CELSR1: variants seen among roughly 807,000 people sequenced by gnomAD.
CELSR1 encodes cadherin EGF LAG seven-pass G-type receptor 1.
CELSR1 carries 110 observed loss-of-function variants against 249.1 expected under a neutral mutation model. The ratio of observed to expected loss-of-function variants is 0.44; its 90% CI spans 0.38 to 0.52. CELSR1 has a LOEUF of 0.52. Ranked by LOEUF, CELSR1 falls within the 20% of genes least tolerant of loss-of-function variation. CELSR1 has a pLI of 0.00. For missense variants in CELSR1, 4,109 were observed against 4,296.4 expected (o/e 0.96, Z 1.22); for synonymous variants, 2,113 against 1,900.0 (o/e 1.11, Z -2.92).
rs549041557 is a variant in CELSR1 at position 46,413,772 on chromosome 22, C to T, written c.4612-2013G>A. Among the ~76,000 whole-genome samples, 32 of 152,206 alleles carry T rather than the reference C, an allele frequency of 2.1e-4. No individual in the cohort carries two copies. The highest frequency in any genetic ancestry group is 3.8e-4 in the Non-Finnish European group (26 of 68,040). ...TCATCTGTTTTCTCGCTGTGTAACGCGGCCCACTTTGGAAAACGCGTGGAA... is the reference window on the plus strand; with the variant it reads ...TCATCTGTTTTCTCGCTGTGTAACGTGGCCCACTTTGGAAAACGCGTGGAA... On this transcript the variant is annotated intron_variant, in intron 5 of 34. Transcript: ENST00000674500. The surrounding 1 kb of genome is among the most constrained non-coding windows in gnomAD (Gnocchi z 4.7).
Position 46,429,595 on chromosome 22 carries a change from A to G in CELSR1, c.4611+3798T>C, listed in dbSNP as rs141496839. 3.1e-4 allele frequency among the ~76,000 whole-genome samples: 48 copies of G among 152,390 alleles called. No homozygotes were observed. The highest frequency in any genetic ancestry group is 1.1e-3 in the African/African-American group (44 of 41,600). On this transcript the variant is annotated intron_variant, in intron 5 of 34. Coordinates refer to ENST00000674500, the MANE Select transcript of CELSR1 (RefSeq NM_001378328.1). This position sits in a 1 kb window ranked among gnomAD's most constrained non-coding sequence, Gnocchi z 4.1. ...AATAAACCTTCTCGTCTAAAATGTC[A>G]TCAGGCAGAAAGGAAAAATAAACAG...
chr22:46,435,419 T>C (rs958799041), intron 4 of CELSR1, among the ~76,000 whole-genome samples: 3 of 151,360 alleles, frequency 2.0e-5, no homozygotes, highest in Non-Finnish European at 1.5e-5. Flanking sequence ...GTGGCTGGGA[T>C]TACAGGCAAG....
chr22:46,515,315 A>G (rs1187729809), intron 1 of CELSR1, among the ~76,000 whole-genome samples: 1 of 152,184 alleles, frequency 6.6e-6, no homozygotes, highest in Non-Finnish European at 1.5e-5. Context: ...AGCTGGAACC[A>G]CAGCCCAGCG....
rs766986249 is a variant in CELSR1, at chr22:46,411,716, T to G, written c.4655A>C (p.Glu1552Ala). The G allele has an allele frequency of 6.2e-7, 1 of 1,614,174 alleles. No homozygotes were observed. The highest frequency in any genetic ancestry group is 1.7e-5 in the Admixed American group (1 of 60,034). Residue 1552 changes from glutamate to alanine, a missense_variant, in exon 6 of 35, where the codon GAA becomes GCA. Around this residue, in one of 7 missense-constraint regions of CELSR1, gnomAD observed 453 missense variants for 492.0 expected, o/e 0.92. Coordinates refer to ENST00000674500, the MANE Select transcript of CELSR1 (RefSeq NM_001378328.1). The surrounding 1 kb of genome is among the most constrained non-coding windows in gnomAD (Gnocchi z 4.2). ...ATCCACTGTCACCACGGCCATCTTT[T>G]CCCCGGACGGCCCATGGGGCAGGCC... Reference protein sequence around the residue: ...HLGLPHGPSGEKMAVVTVDDC... With the variant: ...HLGLPHGPSGAKMAVVTVDDC...
In CELSR1 at chr22:46,401,846, G is replaced by C. The variant is rs1456588038; in HGVS notation, c.5227-1944C>G. ...GACTGCATTAAACTCTGTGACTTTG[G>C]GAGACCAAGGCGGGTGGATCACCTG... On this transcript the variant is annotated intron_variant, in intron 9 of 34. Transcript: ENST00000674500. The surrounding 1 kb of genome is among the most constrained non-coding windows in gnomAD (Gnocchi z 4.7). Among the ~76,000 whole-genome samples the C allele has an allele frequency of 6.6e-6, 1 of 152,130 alleles. No homozygotes were observed. The highest frequency in any genetic ancestry group is 1.5e-5 in the Non-Finnish European group (1 of 68,040).
In CELSR1 at chr22:46,535,056, G is replaced by C. The variant is rs201570836; in HGVS notation, c.2115C>G (p.Ser705Arg). The change falls in exon 1 of 35, where the codon AGC becomes AGG. Residue 705 changes from serine (S) to arginine (R), a missense_variant. By Grantham distance (110) the Ser-to-Arg change is moderately radical. Coordinates refer to ENST00000674500, the MANE Select transcript of CELSR1 (RefSeq NM_001378328.1). The part of the protein sequence containing the change: ...RLNEDAAVGS[S>R]VLTLQARDRD... Reference sequence around the variant, plus strand: ...GGTCGCGGGCCTGCAGGGTCAGCACGCTGCTCCCCACGGCCGCATCCTCAT... The same window carrying C: ...GGTCGCGGGCCTGCAGGGTCAGCACCCTGCTCCCCACGGCCGCATCCTCAT... The C allele has an allele frequency of 6.2e-7, 1 of 1,612,504 alleles. No homozygotes were observed.
At chr22:46,373,885 G>C (rs966832819) in intron 24 of CELSR1, among the ~76,000 whole-genome samples, 20 of 152,288 alleles carry the variant, frequency 1.3e-4, no homozygotes, top group African/African-American at 4.6e-4. Context: ...CAGAAGCGTA[G>C]GAGGAGAACG....
chr22:46,415,153 G>T (rs772089663), intron 5 of CELSR1, among the ~76,000 whole-genome samples: 9 of 152,156 alleles, frequency 5.9e-5, no homozygotes, highest in Non-Finnish European at 1.3e-4. Flanking sequence ...ATGGGGTGAT[G>T]AAAATACTTC....
At chr22:46,453,691 G>A (rs546442083) in intron 2 of CELSR1, among the ~76,000 whole-genome samples, 2 of 152,300 alleles carry the variant, frequency 1.3e-5, no homozygotes, top group South Asian at 2.1e-4. Context: ...CCCCGAGGTC[G>A]TCTGGGTCAC....
chr22:46,536,994 C>A lies in CELSR1; in HGVS notation c.177G>T (p.Arg59=). 8.9e-7 allele frequency: 1 copy of A among 1,118,492 alleles called. No homozygotes were observed. Among genetic ancestry groups the A allele is most frequent in the South Asian group, 3.8e-5 (1 of 26,066 alleles). 69.3% of individuals were successfully genotyped at this position (1,118,492 alleles called of 1,614,324 possible). ...CCACGTCCAGCAGCTCCCGCGGCGC[C>A]CGGGGCGTGCAAGCGGCGCCCACCG... The part of the protein sequence containing the change: ...TYAVGAACTP[R]APRELLDVGR... Residue 59 remains arginine, a synonymous_variant, in exon 1 of 35, where the codon CGG becomes CGT. Coordinates refer to ENST00000674500, the MANE Select transcript of CELSR1 (RefSeq NM_001378328.1).
rs925456134 is a variant in CELSR1 at position 46,374,145 on chromosome 22, G to A, written c.7585-1088C>T. ...GCCCTTTGCCTCAGACTGTGGCCTCGGTCAGGAAAGGAGGCGCGAGCGTGT... is the reference window on the plus strand; with the variant it reads ...GCCCTTTGCCTCAGACTGTGGCCTCAGTCAGGAAAGGAGGCGCGAGCGTGT... On this transcript the variant is annotated intron_variant, in intron 24 of 34. Transcript: ENST00000674500. This position sits in a 1 kb window ranked among gnomAD's most constrained non-coding sequence, Gnocchi z 4.3. 2.0e-5 allele frequency among the ~76,000 whole-genome samples: 3 copies of A among 152,218 alleles called. No homozygotes were observed. The highest frequency in any genetic ancestry group is 7.2e-5 in the African/African-American group (3 of 41,458).
intron 2 of CELSR1, among the ~76,000 whole-genome samples, chr22:46,459,680 G>C (rs1345938464): frequency 6.6e-6 from 1 of 152,016 alleles, no homozygotes; most frequent in Non-Finnish European, 1.5e-5. Context: ...CAACCCACCA[G>C]CACCCCCACC....
rs940961881 is a variant in CELSR1 at position 46,454,629 on chromosome 22, A to G, written c.4183+9078T>C. Among the ~76,000 whole-genome samples the G allele has an allele frequency of 2.6e-5, 4 of 152,196 alleles. No individual in the cohort carries two copies. The highest frequency in any genetic ancestry group is 2.6e-4 in the Admixed American group (4 of 15,278). On this transcript the variant is annotated intron_variant, in intron 2 of 34. Transcript: ENST00000674500. This position sits in a 1 kb window ranked among gnomAD's most constrained non-coding sequence, Gnocchi z 5.1. ...AGATGTTTGTTCCTCACTGACTCAC[A>G]TTCCACACCTAGTTCAGCTCGCCCA...
Position 46,518,683 on chromosome 22 carries a change from T to G in CELSR1, c.3544+14944A>C, listed in dbSNP as rs921670773. On this transcript the variant is annotated intron_variant, in intron 1 of 34. Coordinates refer to ENST00000674500, the MANE Select transcript of CELSR1 (RefSeq NM_001378328.1). The surrounding 1 kb of genome is among the most constrained non-coding windows in gnomAD (Gnocchi z 5.2). The stretch of plus-strand genomic sequence containing the variant: ...TCCGAGTGTGGCTGCGGTCTCTGCC[T>G]CCATCTTCACGTTGTGGCCTCCTCA... 6.6e-6 allele frequency among the ~76,000 whole-genome samples: 1 copy of G among 152,166 alleles called. No individual in the cohort carries two copies. Among genetic ancestry groups the G allele is most frequent in the Admixed American group, 6.5e-5 (1 of 15,270 alleles).
chr22:46,400,482 C>T (rs774730769), intron 9 of CELSR1, among the ~76,000 whole-genome samples: 1 of 152,012 alleles, frequency 6.6e-6, no homozygotes, highest in Non-Finnish European at 1.5e-5. Flanking sequence ...ACTAAAAATA[C>T]TGAAATTAGC....
At chr22:46,495,821 A>C (rs1233305314) in intron 1 of CELSR1, among the ~76,000 whole-genome samples, 1 of 151,548 alleles carries the variant, frequency 6.6e-6, no homozygotes. Context: ...ATCTCAAAAA[A>C]TATATTTTTT....
rs1473096587 is a variant in CELSR1 at position 46,434,269 on chromosome 22, C to T, written c.4523-788G>A. Among the ~76,000 whole-genome samples the T allele has an allele frequency of 6.6e-6, 1 of 152,228 alleles. No individual in the cohort carries two copies. Among genetic ancestry groups the T allele is most frequent in the Non-Finnish European group, 1.5e-5 (1 of 68,048 alleles). On this transcript the variant is annotated intron_variant, in intron 4 of 34. Transcript: ENST00000674500. This position sits in a 1 kb window ranked among gnomAD's most constrained non-coding sequence, Gnocchi z 4.9. ...GTGTCTGTCATTTCCACCCCTTGAGCTCCTGCTGGAGTGGGGCGGGCGAGT... is the reference window on the plus strand; with the variant it reads ...GTGTCTGTCATTTCCACCCCTTGAGTTCCTGCTGGAGTGGGGCGGGCGAGT...
Position 46,408,855 on chromosome 22 carries a change from C to T in CELSR1, c.5226+141G>A, listed in dbSNP as rs1048572551. 1 of 659,092 alleles carries T rather than the reference C, an allele frequency of 1.5e-6. No homozygotes were observed. The highest frequency in any genetic ancestry group is 2.3e-5 in the South Asian group (1 of 44,186). 40.8% of individuals were successfully genotyped at this position (659,092 alleles called of 1,614,324 possible). ...GAAAGGGCTGATATTCCCCTTCCCC[C>T]TCTTCGGAGAACCCCAGGGGCGGGC... On this transcript the variant is annotated intron_variant, in intron 9 of 34. Transcript: ENST00000674500. This position sits in a 1 kb window ranked among gnomAD's most constrained non-coding sequence, Gnocchi z 4.6.
At chr22:46,492,826 C>A (rs1055876674) in intron 1 of CELSR1, among the ~76,000 whole-genome samples, 2 of 152,100 alleles carry the variant, frequency 1.3e-5, no homozygotes, top group African/African-American at 4.8e-5. Flanking sequence ...CCACTGCACT[C>A]CAGTTTGGGC....
Sources: gnomAD v4.1 joint callset for allele counts (sites outside exome capture counted in the v4.1 genomes callset) on GRCh38, gnomAD v4.1.1 for gene constraint, gnomAD v4.1.1 regional missense constraint, Gnocchi (gnomAD v3.1) non-coding constraint, MANE v1.5 for transcripts, NCBI Gene and HGNC (gene_info 2026-07-23, HGNC 2026-07-21) for gene names.